The following ROCK1 variants were observed in gnomAD, a reference collection of about 807,000 sequenced individuals.
ROCK1 encodes Rho associated coiled-coil containing protein kinase 1, also known as rho-associated protein kinase 1.
A neutral mutation model predicts 196.8 loss-of-function variants in ROCK1; 36 were observed. The ratio of observed to expected loss-of-function variants is 0.18; its 90% CI spans 0.14 to 0.24. The LOEUF is 0.24. Among genes scored for constraint, ROCK1 ranks in the 10% least tolerant of loss-of-function variants. The pLI, the probability that ROCK1 is intolerant of heterozygous loss-of-function variation, is 1.00. For synonymous variants in ROCK1, 443 were observed against 515.9 expected, an observed-to-expected ratio of 0.86 and a Z score of 1.91; for missense variants, 920 against 1,562.0, an observed-to-expected ratio of 0.59 and a Z score of 6.93.
In ROCK1 at chr18:20,970,445, A is replaced by G; in HGVS notation, c.2723T>C (p.Leu908Pro). Reference sequence around the variant, plus strand: ...CAATTCAAAATACTGTTCTTCCAGAAGGCCTCGCGCCAACTGCTCAGACTC... The same window carrying G: ...CAATTCAAAATACTGTTCTTCCAGAGGGCCTCGCGCCAACTGCTCAGACTC... Reference protein sequence around the residue: ...KAESEQLARGLLEEQYFELTQ... With the variant: ...KAESEQLARGPLEEQYFELTQ... Residue 908 changes from leucine (L) to proline (P), a missense_variant, in exon 23 of 33, where the codon CTT (leucine) becomes CCT (proline). Around this residue, in one of 6 missense-constraint regions of ROCK1, gnomAD observed 520 missense variants for 657.1 expected, o/e 0.79. Coordinates refer to ENST00000399799, the MANE Select transcript of ROCK1 (RefSeq NM_005406.3). 6.2e-7 allele frequency: 1 copy of G among 1,613,982 alleles called. No homozygotes were observed. The highest frequency in any genetic ancestry group is 8.5e-7 in the Non-Finnish European group (1 of 1,179,860).
intron 8 of ROCK1, among the ~76,000 whole-genome samples, chr18:21,040,729 C>T (rs1456960229): frequency 6.6e-6 from 1 of 152,138 alleles, no homozygotes; most frequent in Non-Finnish European, 1.5e-5. Flanking sequence ...TATCTAATTC[C>T]CCCAAAGGAC....
rs560687751 is a variant in ROCK1 at position 21,107,887 on chromosome 18, C to A, written c.93+2931G>T. 2.6e-5 allele frequency among the ~76,000 whole-genome samples: 4 copies of A among 152,232 alleles called. No homozygotes were observed. In the East Asian group the frequency reaches 7.7e-4, roughly 29 times the overall value. The stretch of plus-strand genomic sequence containing the variant: ...TGGCCAACATGGTGAAACCCCATCT[C>A]TACTAAAACTACAAAAATTAGCCAG... On this transcript the variant is annotated intron_variant, in intron 1 of 32. Coordinates refer to ENST00000399799, the MANE Select transcript of ROCK1 (RefSeq NM_005406.3).
chr18:21,007,489 AT>A (rs1238730631), intron 14 of ROCK1, among the ~76,000 whole-genome samples: 6 of 151,904 alleles, frequency 3.9e-5, no homozygotes, highest in South Asian at 2.1e-4. Flanking sequence ...CATTGACTGC[AT>A]TTTTTTTGTC....
intron 13 of ROCK1, among the ~76,000 whole-genome samples, chr18:21,014,721 C>T (rs11877273): frequency 0.16 from 23,848 of 152,054 alleles, 3,784 homozygotes; most frequent in African/African-American, 0.4. Context: ...AAGCCATTGA[C>T]AGATACCATT....
At chr18:21,101,897 T>C (rs1274835088) in intron 1 of ROCK1, among the ~76,000 whole-genome samples, 5 of 151,976 alleles carry the variant, frequency 3.3e-5, no homozygotes, top group East Asian at 1.9e-4. Flanking sequence ...AAGATGCTTA[T>C]TGAAGTATGT....
At chr18:21,109,140 C>T (rs551125711) in intron 1 of ROCK1, among the ~76,000 whole-genome samples, 9 of 152,298 alleles carry the variant, frequency 5.9e-5, no homozygotes, top group Non-Finnish European at 8.8e-5. Flanking sequence ...TCTAAACAAT[C>T]ATCTGGAATT....
intron 18 of ROCK1, among the ~76,000 whole-genome samples, chr18:20,987,912 T>C (rs2035590876): frequency 2.0e-5 from 3 of 152,196 alleles, no homozygotes. Context: ...TGACTCTTGG[T>C]ATCTCTCTCC....
rs200914907 is a variant in ROCK1, at chr18:20,953,571, T to A, written c.4061+7A>T. Reference sequence around the variant, plus strand: ...TTGTTAAAAACGTTAGCATTTCAAATCCTTACCTAGTTTTTCCAGATGTAT... The same window carrying A: ...TTGTTAAAAACGTTAGCATTTCAAAACCTTACCTAGTTTTTCCAGATGTAT... On this transcript the variant is annotated splice_region_variant and intron_variant, in intron 32 of 32. Transcript: ENST00000399799. 20,413 of 1,538,222 alleles carry A rather than the reference T, an allele frequency of 0.013. 185 individuals carry two copies. Among genetic ancestry groups the A allele is most frequent in the Non-Finnish European group, 0.016 (18,412 of 1,139,204 alleles).
Position 21,045,519 on chromosome 18 carries a change from TTG to T in ROCK1, c.415-54_415-53del, listed in dbSNP as rs774544721. On this transcript the variant is annotated intron_variant, in intron 4 of 32. Coordinates refer to ENST00000399799, the MANE Select transcript of ROCK1 (RefSeq NM_005406.3). ...ACACATTCATTAATGTTAAACAAAA[TTG>T]TTTCACTTAAAAAGTGGCAAAAATG... 3 of 1,383,944 alleles carry T rather than the reference TTG, an allele frequency of 2.2e-6. No homozygotes were observed. In the South Asian group the frequency reaches 4.7e-5, roughly 22 times the overall value. 85.7% of individuals were successfully genotyped at this position (1,383,944 alleles called of 1,614,324 possible). A position where few individuals can be genotyped will look rare whatever the true frequency, so the allele number is the denominator to read the frequency against.
intron 20 of ROCK1, 23 bp downstream of exon 20, chr18:20,984,328 A>C: frequency 1.9e-6 from 3 of 1,546,672 alleles, no homozygotes; most frequent in Non-Finnish European, 2.7e-6. Context: ...GAAAGAAATC[A>C]CAATGTTATT....
Position 21,111,190 on chromosome 18 carries a change from C to T in ROCK1, c.-280G>A. 1 of 535,764 alleles carries T rather than the reference C, an allele frequency of 1.9e-6. No homozygotes were observed. Among genetic ancestry groups the T allele is most frequent in the Non-Finnish European group, 3.3e-6 (1 of 305,604 alleles). The allele number at this position is 535,764 out of a possible 1,614,324, so 33.2% of individuals were successfully genotyped here. Reference sequence around the variant, plus strand: ...CCGACAGCGCCGTCGCCACCAGCCTCGTCGCTCCGGCGAGGTGCTTCAGTC... The same window carrying T: ...CCGACAGCGCCGTCGCCACCAGCCTTGTCGCTCCGGCGAGGTGCTTCAGTC... On this transcript the variant is annotated 5_prime_UTR_variant, in exon 1 of 33. Coordinates refer to ENST00000399799, the MANE Select transcript of ROCK1 (RefSeq NM_005406.3). This position sits in a 1 kb window ranked among gnomAD's most constrained non-coding sequence, Gnocchi z 4.2.
Position 21,068,572 on chromosome 18 carries a change from C to T in ROCK1, c.175+1960G>A, listed in dbSNP as rs183969288. On this transcript the variant is annotated intron_variant, in intron 2 of 32. Transcript: ENST00000399799. ...GATCAATTAATTTGGGGACTGTTAA[C>T]ATTTTAATATTGAATTGTACAATCC... 8.3e-4 allele frequency among the ~76,000 whole-genome samples: 127 copies of T among 152,266 alleles called. 1 individual carries two copies. Among genetic ancestry groups the T allele is most frequent in the African/African-American group, 2.9e-3 (120 of 41,540 alleles).
intron 6 of ROCK1, among the ~76,000 whole-genome samples, chr18:21,043,026 A>G (rs1378346421): frequency 1.3e-5 from 2 of 152,158 alleles, no homozygotes; most frequent in East Asian, 3.9e-4. Context: ...CTAGAAAAAC[A>G]TACTGCCACA....
intron 2 of ROCK1, among the ~76,000 whole-genome samples, chr18:21,067,986 T>C (rs1011414398): frequency 3.3e-5 from 5 of 152,250 alleles, no homozygotes; most frequent in African/African-American, 1.2e-4. Context: ...TTTCTTCTTT[T>C]ACATGCTTTG....
intron 11 of ROCK1, 70 bp downstream of exon 11, chr18:21,023,550 C>A (rs965587767): frequency 3.7e-6 from 3 of 811,298 alleles, no homozygotes; most frequent in Admixed American, 3.0e-5. Context: ...AATTTACTAT[C>A]ATACCCACAA....
chr18:21,053,408 T>C (rs971084358), intron 2 of ROCK1, among the ~76,000 whole-genome samples: 1 of 152,186 alleles, frequency 6.6e-6, no homozygotes, highest in Non-Finnish European at 1.5e-5. Flanking sequence ...AAGATCATAG[T>C]GAGTGCTTAG....
In ROCK1 at chr18:21,028,764, T is replaced by C. The variant is rs537968902; in HGVS notation, c.1211+12A>G. ...AGCACTTACTCCTATAATCACTGTT[T>C]AGCATACTTACCTACGATTGCTATA... On this transcript the variant is annotated intron_variant, in intron 10 of 32. Coordinates refer to ENST00000399799, the MANE Select transcript of ROCK1 (RefSeq NM_005406.3). 92 of 1,595,710 alleles carry C rather than the reference T, an allele frequency of 5.8e-5. 1 individual carries two copies. The Middle Eastern group carries it at 1.0e-3, about 17-fold the overall frequency.
intron 1 of ROCK1, among the ~76,000 whole-genome samples, chr18:21,110,269 T>C (rs1489392858): frequency 6.6e-6 from 1 of 152,162 alleles, no homozygotes; most frequent in African/African-American, 2.4e-5. Context: ...ATTATCTTGG[T>C]TTTTTACAAT....
chr18:20,963,952 T>C (rs934824349), intron 27 of ROCK1, among the ~76,000 whole-genome samples: 2 of 152,104 alleles, frequency 1.3e-5, no homozygotes, highest in Admixed American at 6.6e-5. Context: ...GTTTTTAGAA[T>C]TGGGAATTTT....
Sources: allele counts gnomAD v4.1 joint callset (sites outside exome capture counted in the v4.1 genomes callset), GRCh38; gene constraint gnomAD v4.1.1; regional missense constraint gnomAD v4.1.1; non-coding constraint Gnocchi (gnomAD v3.1); transcripts MANE v1.5; gene names NCBI Gene and HGNC (gene_info 2026-07-23, HGNC 2026-07-21).